The following SPTAN1 variants were observed in gnomAD, a reference collection of about 807,000 sequenced individuals.
SPTAN1 encodes the protein spectrin alpha chain, non-erythrocytic 1.
A neutral mutation model predicts 331.3 loss-of-function variants in SPTAN1; 61 were observed. The ratio of observed to expected loss-of-function variants is 0.18; its 90% CI spans 0.15 to 0.23. The LOEUF is 0.23. SPTAN1 is among the 10% of genes least tolerant of loss of function. The pLI is 1.00. For synonymous variants in SPTAN1, 1,153 were observed against 1,173.9 expected, an observed-to-expected ratio of 0.98 and a Z score of 0.36; for missense variants, 2,043 against 3,147.9, an observed-to-expected ratio of 0.65 and a Z score of 8.40.
chr9:128,574,905 A>G (rs1372555436), intron 4 of SPTAN1, 90 bp downstream of exon 4: 1 of 1,584,982 alleles, frequency 6.3e-7, no homozygotes, highest in Non-Finnish European at 8.6e-7. Flanking sequence ...CAGTGTTAGC[A>G]CAGATACGGC....
chr9:128,587,623 C>T lies in SPTAN1; in HGVS notation c.2796C>T (p.His932=), dbSNP rs755933560. 37 of 1,613,718 alleles carry T rather than the reference C, an allele frequency of 2.3e-5. No individual in the cohort carries two copies. The highest frequency in any genetic ancestry group is 4.5e-5 in the East Asian group (2 of 44,890). Residue 932 remains histidine (H), a synonymous_variant, in exon 20 of 57, where the codon CAC becomes CAT. Transcript: ENST00000372739. Reference sequence around the variant, plus strand: ...GGTTTCAGGCTCTACTGAAGAAACACGAAGCTTTGATGTCAGATCTCAGTG... The same window carrying T: ...GGTTTCAGGCTCTACTGAAGAAACATGAAGCTTTGATGTCAGATCTCAGTG... ...EDSAEALLKK[H]EALMSDLSAY... is the part of the protein sequence containing the mutation.
chr9:128,617,297 CATATATTG>C (rs1257466877), intron 41 of SPTAN1, among the ~76,000 whole-genome samples: 2 of 151,466 alleles, frequency 1.3e-5, no homozygotes, highest in Non-Finnish European at 2.9e-5. Flanking sequence ...TATTTACAGA[CATATATTG>C]ATATATTAAT....
Position 128,592,981 on chromosome 9 carries a change from A to G in SPTAN1, c.3156-2A>G, listed in dbSNP as rs2131341713. 1 of 1,606,724 alleles carries G rather than the reference A, an allele frequency of 6.2e-7. No individual in the cohort carries two copies. Among genetic ancestry groups the G allele is most frequent in the Admixed American group, 1.7e-5 (1 of 59,146 alleles). ...TGCTTTTGCTGTGCCCCCTCTGTGC[A>G]GGACACGCATAACTAAGGAGGCCGG... On this transcript the variant is annotated splice_acceptor_variant, in intron 22 of 56. Transcript: ENST00000372739. LOFTEE classifies it high-confidence loss of function.
intron 20 of SPTAN1, among the ~76,000 whole-genome samples, chr9:128,587,936 C>T (rs1020512025): frequency 2.0e-5 from 3 of 152,080 alleles, no homozygotes; most frequent in African/African-American, 7.2e-5. Context: ...ACCTCCGCCT[C>T]CTGGGTTCAA....
chr9:128,609,167 A>C lies in SPTAN1; in HGVS notation c.4641A>C (p.Leu1547=), dbSNP rs762062651. The C allele has an allele frequency of 3.1e-6, 5 of 1,614,066 alleles. No individual in the cohort carries two copies. The African/African-American group carries it at 6.7e-5, about 22-fold the overall frequency. Residue 1547 remains leucine (L), a synonymous_variant, in exon 36 of 57, where the codon CTA becomes CTC. Coordinates refer to ENST00000372739, the MANE Select transcript of SPTAN1 (RefSeq NM_001130438.3). The part of the protein sequence containing the change: ...KAQMIEKRSK[L]GESQTLQQFS... ...AGATGATTGAGAAAAGGTCAAAGCT[A>C]GGAGAATCTCAAACCCTCCAACAGT...
intron 40 of SPTAN1, among the ~76,000 whole-genome samples, chr9:128,614,785 G>A (rs1161375956): frequency 6.6e-6 from 1 of 151,986 alleles, no homozygotes; most frequent in African/African-American, 2.4e-5. Context: ...TTGTTGGGGG[G>A]TTAGTTGCAA....
chr9:128,578,200 TGTG>T lies in SPTAN1; in HGVS notation c.1178_1180del (p.Val393del), dbSNP rs766471063. The T allele has an allele frequency of 6.2e-7, 1 of 1,614,164 alleles. No homozygotes were observed. Among genetic ancestry groups the T allele is most frequent in the Non-Finnish European group, 8.5e-7 (1 of 1,180,026 alleles). ...TCAATGCAGATGAGCTTGCCAGTGA[TGTG>T]GCTGGGGCTGAAGCCCTGCTAGATA... On this transcript the variant is annotated inframe_deletion, in exon 9 of 57. Transcript: ENST00000372739.
intron 44 of SPTAN1, among the ~76,000 whole-genome samples, chr9:128,620,939 ACCACTGCTGGTTACTC>A (rs1857772627): frequency 6.6e-6 from 1 of 152,072 alleles, no homozygotes; most frequent in Non-Finnish European, 1.5e-5. Flanking sequence ...AGCCTGTCCC[ACCACTGCTGGTTACTC>A]TCACTGCCTC....
intron 43 of SPTAN1, 24 bp downstream of exon 43, chr9:128,618,132 C>T: frequency 6.2e-7 from 1 of 1,612,178 alleles, no homozygotes; most frequent in Non-Finnish European, 8.5e-7. Flanking sequence ...GGCAGGAGCT[C>T]CCGGGAACAA....
At chr9:128,570,304 TTATATATATATA>T (rs748964931) in intron 3 of SPTAN1, among the ~76,000 whole-genome samples, 24 of 111,762 alleles carry the variant, frequency 2.1e-4, no homozygotes, top group African/African-American at 8.1e-4. Context: ...TTTAGACAGC[TTATATATATATA>T]TATATATATA....
rs1856257433 is a variant in SPTAN1 at position 128,608,980 on chromosome 9, G to A, written c.4595+3G>A. 6.2e-7 allele frequency: 1 copy of A among 1,614,090 alleles called. No individual in the cohort carries two copies. Among genetic ancestry groups the A allele is most frequent in the East Asian group, 2.2e-5 (1 of 44,884 alleles). On this transcript the variant is annotated splice_donor_region_variant and intron_variant, in intron 35 of 56. Transcript: ENST00000372739. ...CGGCGCAATGAGGTCTTGGACAGGT[G>A]GGTGTCCTGTGGCACTGACATAGTC...
rs190033447 is a variant in SPTAN1, at chr9:128,575,411, T to A, written c.651+66T>A. The A allele has an allele frequency of 2.4e-3, 3,799 of 1,576,888 alleles. 8 individuals are homozygous for A. The highest frequency in any genetic ancestry group is 2.9e-3 in the Non-Finnish European group (3,359 of 1,160,814). On this transcript the variant is annotated intron_variant, in intron 5 of 56. Transcript: ENST00000372739. ...TGTTAACTTTTTAGTATATTCAGGATAAAATTTTGATGATTGGTCCCCTAA... is the reference window on the plus strand; with the variant it reads ...TGTTAACTTTTTAGTATATTCAGGAAAAAATTTTGATGATTGGTCCCCTAA...
intron 31 of SPTAN1, among the ~76,000 whole-genome samples, chr9:128,606,374 CAA>C (rs59257779): frequency 1.7e-5 from 1 of 58,744 alleles, no homozygotes; most frequent in Non-Finnish European, 3.1e-5. Context: ...GACTCTGCCT[CAA>C]AAAAAAAAAA....
intron 1 of SPTAN1, 142 bp from the exon 2 acceptor site, chr9:128,566,596 G>A: frequency 7.9e-7 from 1 of 1,272,378 alleles, no homozygotes; most frequent in Non-Finnish European, 1.1e-6. Context: ...GGGCTTCATT[G>A]TTCCTAAGAA....
Position 128,584,714 on chromosome 9 carries a change from C to T in SPTAN1, c.2438-7C>T. The T allele has an allele frequency of 1.2e-6, 2 of 1,614,162 alleles. No homozygotes were observed. The highest frequency in any genetic ancestry group is 2.7e-5 in the African/African-American group (2 of 75,026). Reference sequence around the variant, plus strand: ...TTGGATAACTGGGGACTGGTGTCTGCTTTCAGGTAAGGATTTAATTGGGGT... The same window carrying T: ...TTGGATAACTGGGGACTGGTGTCTGTTTTCAGGTAAGGATTTAATTGGGGT... On this transcript the variant is annotated splice_polypyrimidine_tract_variant and splice_region_variant and intron_variant, in intron 17 of 56. Transcript: ENST00000372739.
chr9:128,572,036 T>C (rs1850786067), intron 3 of SPTAN1, among the ~76,000 whole-genome samples: 2 of 152,074 alleles, frequency 1.3e-5, no homozygotes, highest in African/African-American at 2.4e-5. Context: ...TTTTTGTATT[T>C]TTAGTAGAGA....
chr9:128,626,908 A>T, intron 49 of SPTAN1: 1 of 644,112 alleles, frequency 1.6e-6, no homozygotes, highest in Non-Finnish European at 2.8e-6. Flanking sequence ...TCAACCTCCC[A>T]GGCTCAGGTG....
Position 128,579,663 on chromosome 9 carries a change from C to T in SPTAN1, c.1248C>T (p.Ser416=), listed in dbSNP as rs1851708614. The part of the protein sequence containing the change: ...HKGEIDAHED[S]FKSADESGQA... The stretch of plus-strand genomic sequence containing the variant: ...GTGAAATTGATGCCCATGAAGACAG[C>T]TTCAAATCTGCAGATGAATCTGGAC... The change falls in exon 10 of 57, where the codon AGC becomes AGT. Residue 416 remains serine (S), a synonymous_variant. Coordinates refer to ENST00000372739, the MANE Select transcript of SPTAN1 (RefSeq NM_001130438.3). 1 of 1,613,950 alleles carries T rather than the reference C, an allele frequency of 6.2e-7. No individual in the cohort carries two copies. The highest frequency in any genetic ancestry group is 1.3e-5 in the African/African-American group (1 of 74,902).
intron 45 of SPTAN1, among the ~76,000 whole-genome samples, chr9:128,623,461 G>GT (rs1199547183): frequency 1.4e-5 from 2 of 147,490 alleles, no homozygotes; most frequent in East Asian, 2.1e-4. Flanking sequence ...CAGCCCATTC[G>GT]TTTTTTTTGT....
Sources: gnomAD v4.1 joint callset for allele counts (sites outside exome capture counted in the v4.1 genomes callset) on GRCh38, gnomAD v4.1.1 for gene constraint, MANE v1.5 for transcripts, NCBI Gene and HGNC (gene_info 2026-07-23, HGNC 2026-07-21) for gene names.